Variants in TSHR observed in about 807,000 individuals in gnomAD.
The protein encoded by TSHR is thyroid stimulating hormone receptor.
A neutral mutation model predicts 64.1 loss-of-function variants in TSHR; 51 were observed. That is an observed-to-expected ratio of 0.80 (90% CI 0.64 to 1.01). The LOEUF is 1.01. TSHR is among the 50% of genes least tolerant of loss of function. The probability of loss-of-function intolerance (pLI) is 0.00; values close to 1 mark genes in which losing one functional copy is unlikely to be tolerated. For missense variants in TSHR, 877 were observed against 942.8 expected, an observed-to-expected ratio of 0.93 and a Z score of 0.91; for synonymous variants, 361 against 361.9, an observed-to-expected ratio of 1.00 and a Z score of 0.03.
intron 1 of TSHR, among the ~76,000 whole-genome samples, chr14:81,043,068 A>G (rs1455109375): frequency 6.6e-6 from 1 of 152,208 alleles, no homozygotes; most frequent in Non-Finnish European, 1.5e-5. Flanking sequence ...CCTATTCAAC[A>G]TAGCATTGGA....
chr14:81,019,972 C>T (rs1028976557), intron 1 of TSHR, among the ~76,000 whole-genome samples: 1 of 152,096 alleles, frequency 6.6e-6, no homozygotes, highest in Admixed American at 6.5e-5. Flanking sequence ...TGGGTATATA[C>T]CCAGTAATGG....
intron 1 of TSHR, among the ~76,000 whole-genome samples, chr14:81,037,504 C>T (rs939885737): frequency 2.0e-5 from 3 of 150,888 alleles, no homozygotes; most frequent in Non-Finnish European, 4.4e-5. Context: ...TCAATAATAA[C>T]CTTGAATGTA....
rs1243202316 is a variant in TSHR at position 81,088,146 on chromosome 14, A to G, written c.392+118A>G. 3 of 834,610 alleles carry G rather than the reference A, an allele frequency of 3.6e-6. No individual in the cohort carries two copies. In the Admixed American group the frequency reaches 5.9e-5, roughly 16 times the overall value. The allele number at this position is 834,610 out of a possible 1,614,324, so 51.7% of individuals were successfully genotyped here. A position where few individuals can be genotyped will look rare whatever the true frequency, so the allele number is the denominator to read the frequency against. ...GTCCAGGTTCATTTTAATGGTGTAT[A>G]GCCTGGGTCGGGGGCAAGGTATCGG... is the stretch of plus-strand genomic sequence containing the variant. On this transcript the variant is annotated intron_variant, in intron 4 of 9. Coordinates refer to ENST00000298171, the MANE Select transcript of TSHR (RefSeq NM_000369.5).
At chr14:80,978,122 CACACACACAT>C (rs1887979571) in intron 1 of TSHR, among the ~76,000 whole-genome samples, 1 of 151,720 alleles carries the variant, frequency 6.6e-6, no homozygotes, top group Non-Finnish European at 1.5e-5. Flanking sequence ...CACACACACA[CACACACACAT>C]GCATGTGCAC....
At chr14:80,973,055 C>T (rs1887655945) in intron 1 of TSHR, among the ~76,000 whole-genome samples, 1 of 152,072 alleles carries the variant, frequency 6.6e-6, no homozygotes, top group Non-Finnish European at 1.5e-5. Context: ...AGATAGCAGC[C>T]CCATTCCATG....
chr14:81,018,537 A>T (rs1327969597), intron 1 of TSHR, among the ~76,000 whole-genome samples: 1 of 152,160 alleles, frequency 6.6e-6, no homozygotes, highest in Non-Finnish European at 1.5e-5. Context: ...TGTGTGGGGG[A>T]CACTGAGCAC....
At chr14:80,978,412 G>A (rs1888001723) in intron 1 of TSHR, among the ~76,000 whole-genome samples, 1 of 152,232 alleles carries the variant, frequency 6.6e-6, no homozygotes, top group African/African-American at 2.4e-5. Flanking sequence ...TGCTGAGACA[G>A]CGTTAGGAGT....
At chr14:81,142,829 C>T (rs1203908748) in intron 9 of TSHR, 111 bp from the exon 10 acceptor site, 9 of 943,658 alleles carry the variant, frequency 9.5e-6, no homozygotes, top group African/African-American at 4.8e-5. Context: ...AGGCTGGTCT[C>T]AAACTCCTAG....
At chr14:81,111,417 C>G (rs1159770044) in intron 8 of TSHR, among the ~76,000 whole-genome samples, 1 of 152,146 alleles carries the variant, frequency 6.6e-6, no homozygotes, top group Non-Finnish European at 1.5e-5. Flanking sequence ...TTTATTTAGT[C>G]TTGGTTCCTC....
At chr14:81,110,771 G>A (rs1345748167) in intron 8 of TSHR, among the ~76,000 whole-genome samples, 1 of 152,090 alleles carries the variant, frequency 6.6e-6, no homozygotes, top group Non-Finnish European at 1.5e-5. Flanking sequence ...AGTTAAGCCT[G>A]CTCTATTCTT....
At chr14:80,992,148 T>A (rs1888758819) in intron 1 of TSHR, 3 of 152,226 alleles carry the variant, frequency 2.0e-5, no homozygotes, top group Non-Finnish European at 2.9e-5. Flanking sequence ...ACGCCTGTAA[T>A]CCCAGCACTT....
At chr14:81,004,907 T>C (rs929532108) in intron 1 of TSHR, among the ~76,000 whole-genome samples, 2 of 152,220 alleles carry the variant, frequency 1.3e-5, no homozygotes, top group Admixed American at 6.5e-5. Context: ...TGGATACTCA[T>C]GGTTTTCTCC....
chr14:81,078,009 T>C (rs1378251106), intron 3 of TSHR, among the ~76,000 whole-genome samples: 1 of 152,204 alleles, frequency 6.6e-6, no homozygotes, highest in Non-Finnish European at 1.5e-5. Flanking sequence ...TGTCATATAT[T>C]TTATTCCTAT....
At chr14:80,997,489 T>C (rs1188966128) in intron 1 of TSHR, among the ~76,000 whole-genome samples, 1 of 152,118 alleles carries the variant, frequency 6.6e-6, no homozygotes, top group African/African-American at 2.4e-5. Flanking sequence ...ATTAAATGGG[T>C]TTTATTCCTG....
At chr14:80,979,425 G>A (rs978733399) in intron 1 of TSHR, among the ~76,000 whole-genome samples, 6 of 152,170 alleles carry the variant, frequency 3.9e-5, no homozygotes, top group Non-Finnish European at 7.4e-5. Flanking sequence ...TTACAGTTAG[G>A]TAGGAGGAAT....
At chr14:80,984,689 T>C (rs1888347606) in intron 1 of TSHR, among the ~76,000 whole-genome samples, 1 of 152,180 alleles carries the variant, frequency 6.6e-6, no homozygotes, top group African/African-American at 2.4e-5. Context: ...CTTAACTTCC[T>C]CCACATGCAT....
chr14:81,142,504 T>C (rs920524703), intron 9 of TSHR, among the ~76,000 whole-genome samples: 9 of 152,090 alleles, frequency 5.9e-5, no homozygotes, highest in African/African-American at 2.2e-4. Context: ...GAAACAGGCC[T>C]GCCTGGATCC....
At chr14:81,021,188 T>A (rs1883729868) in intron 1 of TSHR, among the ~76,000 whole-genome samples, 1 of 152,174 alleles carries the variant, frequency 6.6e-6, no homozygotes, top group East Asian at 1.9e-4. Flanking sequence ...GGAAAAATTG[T>A]CTTCCATGAA....
intron 1 of TSHR, among the ~76,000 whole-genome samples, chr14:80,981,357 T>G (rs1313960746): frequency 6.6e-6 from 1 of 152,184 alleles, no homozygotes; most frequent in Non-Finnish European, 1.5e-5. Flanking sequence ...TTGAGTTTGA[T>G]GCAGTGGCGT....
Sources: allele counts gnomAD v4.1 joint callset (sites outside exome capture counted in the v4.1 genomes callset), GRCh38; gene constraint gnomAD v4.1.1; transcripts MANE v1.5; gene names NCBI Gene and HGNC (gene_info 2026-07-23, HGNC 2026-07-21).